DAPL1: variants seen among roughly 807,000 people sequenced by gnomAD.
DAPL1 encodes death-associated protein-like 1.
DAPL1 carries 17 observed loss-of-function variants against 12.9 expected under a neutral mutation model. The ratio of observed to expected loss-of-function variants is 1.32; its 90% confidence interval spans 0.90 to 1.98. The LOEUF is 1.98. Among genes scored for constraint, DAPL1 ranks in the 30% most tolerant of loss-of-function variants. DAPL1 has a pLI of 0.00. For synonymous variants in DAPL1, 51 were observed against 42.0 expected, an observed-to-expected ratio of 1.21 and a Z score of -0.82; for missense variants, 157 against 125.7, an observed-to-expected ratio of 1.25 and a Z score of -1.19.
At chr2:158,812,971 T>C (rs906363101) in intron 3 of DAPL1, among the ~76,000 whole-genome samples, 1 of 151,928 alleles carries the variant, frequency 6.6e-6, no homozygotes, top group Admixed American at 6.6e-5. Flanking sequence ...GATGAAGAGA[T>C]CCTAACCAAG....
rs10526986 is a variant in DAPL1, at chr2:158,809,357, C to CA, written c.207+2253dup. 8.6e-4 allele frequency among the ~76,000 whole-genome samples: 60 copies of CA among 69,528 alleles called. 7 individuals are homozygous for CA. The highest frequency in any genetic ancestry group is 2.6e-3 in the East Asian group (7 of 2,722). 45.6% of individuals were successfully genotyped at this position (69,528 alleles called of 152,430 possible). ...TGGGTGACAGAGCGAGACTCCATCTCAAAAAAAAAAAGAAATATTTTTAAC... is the reference window on the plus strand; with the variant it reads ...TGGGTGACAGAGCGAGACTCCATCTCAAAAAAAAAAAAGAAATATTTTTAAC... On this transcript the variant is annotated intron_variant, in intron 3 of 3. Coordinates refer to ENST00000309950, the MANE Select transcript of DAPL1 (RefSeq NM_001017920.3).
intron 1 of DAPL1, among the ~76,000 whole-genome samples, chr2:158,795,872 T>A (rs1465201322): frequency 6.6e-6 from 1 of 152,182 alleles, no homozygotes; most frequent in Non-Finnish European, 1.5e-5. Context: ...TGTGACTTCC[T>A]ACCCAGGCAA....
chr2:158,803,857 T>C (rs1030377017), intron 1 of DAPL1, among the ~76,000 whole-genome samples: 2 of 152,074 alleles, frequency 1.3e-5, no homozygotes, highest in Admixed American at 6.5e-5. Flanking sequence ...AAAGCTTTGG[T>C]TGGAAAAAAA....
chr2:158,810,585 C>T (rs937819749), intron 3 of DAPL1, among the ~76,000 whole-genome samples: 4 of 152,150 alleles, frequency 2.6e-5, no homozygotes, highest in East Asian at 1.9e-4. Context: ...AAATAGTCCC[C>T]GAAGGGCTGG....
In DAPL1 at chr2:158,815,729, G is replaced by C; in HGVS notation, c.232G>C (p.Val78Leu). 1 of 1,613,574 alleles carries C rather than the reference G, an allele frequency of 6.2e-7. No homozygotes were observed. The highest frequency in any genetic ancestry group is 8.5e-7 in the Non-Finnish European group (1 of 1,179,580). Residue 78 changes from valine (V) to leucine (L), a missense_variant, in exon 4 of 4, where the codon GTG (valine) becomes CTG (leucine). Transcript: ENST00000309950. ...GCTCAACTATAAATTTCCAGCAACA[G>C]TGCACATGGCGCATCAAAAACCCAC... ...EKLNYKFPAT[V>L]HMAHQKPTPA...
chr2:158,804,221 A>G, intron 1 of DAPL1, 61 bp from the exon 2 acceptor site: 1 of 1,150,744 alleles, frequency 8.7e-7, no homozygotes, highest in South Asian at 1.5e-5. Flanking sequence ...CATACCTTTA[A>G]TAACAAAGCA....
At chr2:158,812,303 G>C (rs532771710) in intron 3 of DAPL1, among the ~76,000 whole-genome samples, 1 of 152,270 alleles carries the variant, frequency 6.6e-6, no homozygotes, top group African/African-American at 2.4e-5. Flanking sequence ...TGGGCCACAG[G>C]GGCTGACTTT....
chr2:158,805,719 A>G (rs950115647), intron 2 of DAPL1, among the ~76,000 whole-genome samples: 1 of 148,596 alleles, frequency 6.7e-6, no homozygotes, highest in Non-Finnish European at 1.5e-5. Flanking sequence ...CCACTGAACA[A>G]TGCAGGCAGG....
intron 1 of DAPL1, among the ~76,000 whole-genome samples, chr2:158,795,702 T>C (rs547586009): frequency 6.6e-6 from 1 of 152,290 alleles, no homozygotes; most frequent in South Asian, 2.1e-4. Flanking sequence ...GTAGAGAGGT[T>C]GCACCTTTCC....
Position 158,815,049 on chromosome 2 carries a change from C to T in DAPL1, c.208-656C>T, listed in dbSNP as rs2059252773. On this transcript the variant is annotated intron_variant, in intron 3 of 3. Coordinates refer to ENST00000309950, the MANE Select transcript of DAPL1 (RefSeq NM_001017920.3). ...TTGCATATGAAATGTCTCTTATTGT[C>T]AGAAAGTCTCAGCCTGTGTTAATAA... 2.6e-5 allele frequency among the ~76,000 whole-genome samples: 4 copies of T among 152,286 alleles called. No individual in the cohort carries two copies. In the South Asian group the frequency reaches 6.2e-4, roughly 24 times the overall value.
chr2:158,815,690 C>G lies in DAPL1; in HGVS notation c.208-15C>G. The G allele has an allele frequency of 6.5e-7, 1 of 1,544,766 alleles. No homozygotes were observed. The highest frequency in any genetic ancestry group is 8.9e-7 in the Non-Finnish European group (1 of 1,118,410). Reference sequence around the variant, plus strand: ...GATCCAATATGCCTATTTTTTCTTCCCTTCTCACCTTTAGCTCAACTATAA... The same window carrying G: ...GATCCAATATGCCTATTTTTTCTTCGCTTCTCACCTTTAGCTCAACTATAA... On this transcript the variant is annotated splice_polypyrimidine_tract_variant and intron_variant, in intron 3 of 3. Transcript: ENST00000309950.
chr2:158,813,582 G>A (rs2176176), intron 3 of DAPL1, among the ~76,000 whole-genome samples: 144,210 of 145,756 alleles, frequency 0.99, 71,351 homozygotes, highest in Non-Finnish European at 1. Flanking sequence ...TTGAGATGGA[G>A]TCTTGCTCTG....
At chr2:158,804,715 T>C (rs933910508) in intron 2 of DAPL1, among the ~76,000 whole-genome samples, 1 of 152,268 alleles carries the variant, frequency 6.6e-6, no homozygotes, top group Admixed American at 6.5e-5. Flanking sequence ...CTTTAAAATA[T>C]TGTTCCTAGG....
chr2:158,805,297 T>G (rs2105151999), intron 2 of DAPL1, among the ~76,000 whole-genome samples: 1 of 152,334 alleles, frequency 6.6e-6, no homozygotes, highest in South Asian at 2.1e-4. Context: ...CACTTTAGAA[T>G]GAAATACTGA....
At chr2:158,799,615 T>C (rs577980913) in intron 1 of DAPL1, among the ~76,000 whole-genome samples, 2 of 152,256 alleles carry the variant, frequency 1.3e-5, no homozygotes, top group African/African-American at 4.8e-5. Context: ...CCCAAATCTA[T>C]ATCAGTGCAT....
intron 1 of DAPL1, among the ~76,000 whole-genome samples, chr2:158,802,946 G>A (rs1420236751): frequency 6.6e-6 from 1 of 152,118 alleles, no homozygotes; most frequent in Non-Finnish European, 1.5e-5. Flanking sequence ...GTAAACACAG[G>A]ATGTTCATAC....
chr2:158,804,680 C>A (rs2105151670), intron 2 of DAPL1, among the ~76,000 whole-genome samples: 1 of 152,328 alleles, frequency 6.6e-6, no homozygotes, highest in Non-Finnish European at 1.5e-5. Context: ...TGACACACAT[C>A]CTTTTATCCT....
chr2:158,813,463 A>C lies in DAPL1; in HGVS notation c.208-2242A>C, dbSNP rs149502058. ...ACGATGTAGCCTCTAAATTGTGGAG[A>C]TCACCCTGGAGGTGATCAAATAACA... On this transcript the variant is annotated intron_variant, in intron 3 of 3. Transcript: ENST00000309950. 5.6e-3 allele frequency among the ~76,000 whole-genome samples: 847 copies of C among 152,242 alleles called. 5 individuals are homozygous for C. The highest frequency in any genetic ancestry group is 0.018 in the African/African-American group (766 of 41,538).
intron 3 of DAPL1, among the ~76,000 whole-genome samples, chr2:158,811,823 C>T (rs768047789): frequency 2.0e-5 from 3 of 152,198 alleles, no homozygotes; most frequent in African/African-American, 4.8e-5. Context: ...TCCACAGCTT[C>T]CCCGAAGTTA....
Sources: gnomAD v4.1 joint callset for allele counts (sites outside exome capture counted in the v4.1 genomes callset) on GRCh38, gnomAD v4.1.1 for gene constraint, MANE v1.5 for transcripts, NCBI Gene and HGNC (gene_info 2026-07-23, HGNC 2026-07-21) for gene names.